CNTNAP2: variants seen among roughly 807,000 people sequenced by gnomAD.
CNTNAP2 encodes contactin-associated protein-like 2.
Under a neutral mutation model 155.2 loss-of-function variants are expected in CNTNAP2, and 98 were observed. That is an observed-to-expected ratio of 0.63 (90% confidence interval 0.54 to 0.75). The LOEUF (loss-of-function observed/expected upper bound fraction) is 0.75. Among genes scored for constraint, CNTNAP2 ranks in the 30% least tolerant of loss-of-function variants. The pLI is 0.00. For missense variants in CNTNAP2, 1,727 were observed against 1,688.1 expected (o/e 1.02, Z -0.40); for synonymous variants, 651 against 631.2 (o/e 1.03, Z -0.47).
intron 8 of CNTNAP2, among the ~76,000 whole-genome samples, chr7:147,199,072 C>T (rs369159459): frequency 1.6e-4 from 25 of 151,552 alleles, no homozygotes; most frequent in African/African-American, 5.8e-4. Context: ...AGCAATTCTC[C>T]TGTCTCAGCC....
intron 1 of CNTNAP2, among the ~76,000 whole-genome samples, chr7:146,643,661 T>C (rs1436429629): frequency 6.6e-6 from 1 of 152,186 alleles, no homozygotes; most frequent in African/African-American, 2.4e-5. Context: ...TTTGGTTCCA[T>C]ATGAACTTTA....
At chr7:146,741,645 T>C (rs1032811377) in intron 1 of CNTNAP2, among the ~76,000 whole-genome samples, 3 of 152,206 alleles carry the variant, frequency 2.0e-5, no homozygotes, top group East Asian at 3.9e-4. Context: ...TGGGAAAATA[T>C]TATGAGCAAC....
chr7:148,331,711 G>GTGGATGGATGGAGTGGATGGATGGAA (rs1563045917), intron 21 of CNTNAP2, among the ~76,000 whole-genome samples: 3 of 9,612 alleles, frequency 3.1e-4, no homozygotes, highest in Non-Finnish European at 5.1e-4. Flanking sequence ...GATGGATGGA[G>GTGGATGGATGGAGTGGATGGATGGAA]TGGACGGATG....
At chr7:146,754,848 T>C (rs952589689) in intron 1 of CNTNAP2, among the ~76,000 whole-genome samples, 2 of 152,086 alleles carry the variant, frequency 1.3e-5, no homozygotes, top group South Asian at 2.1e-4. Context: ...TTCTCAAAAC[T>C]ATTTTCCTGT....
chr7:146,353,908 A>G (rs145482742), intron 1 of CNTNAP2, among the ~76,000 whole-genome samples: 2 of 152,328 alleles, frequency 1.3e-5, no homozygotes, highest in East Asian at 3.9e-4. Flanking sequence ...TAAGTTTATA[A>G]TGCATTAATT....
intron 1 of CNTNAP2, among the ~76,000 whole-genome samples, chr7:146,283,436 C>T (rs1412426064): frequency 1.3e-5 from 2 of 152,132 alleles, no homozygotes; most frequent in Non-Finnish European, 2.9e-5. Context: ...TGTGGGATCA[C>T]AGGTGAGTGT....
chr7:147,032,916 A>G (rs536461122), intron 3 of CNTNAP2, among the ~76,000 whole-genome samples: 24 of 152,108 alleles, frequency 1.6e-4, no homozygotes, highest in African/African-American at 5.8e-4. Flanking sequence ...AACCTATTGA[A>G]TACCATCATC....
At chr7:146,714,507 A>AT (rs200005265) in intron 1 of CNTNAP2, among the ~76,000 whole-genome samples, 2 of 152,252 alleles carry the variant, frequency 1.3e-5, no homozygotes, top group East Asian at 3.9e-4. Flanking sequence ...GTGAGATGAT[A>AT]TTTTTTTGTA....
intron 16 of CNTNAP2, among the ~76,000 whole-genome samples, chr7:148,141,715 T>C (rs371494622): frequency 1.3e-5 from 2 of 152,174 alleles, no homozygotes; most frequent in South Asian, 4.1e-4. Flanking sequence ...TTTTTAAAAA[T>C]CAGGATTAAA....
At chr7:146,449,321 G>T (rs6961013) in intron 1 of CNTNAP2, among the ~76,000 whole-genome samples, 4,694 of 151,910 alleles carry the variant, frequency 0.031, 187 homozygotes, top group African/African-American at 0.088. Flanking sequence ...CATAGTGTTG[G>T]TATTTTTCTA....
chr7:148,359,622 C>T (rs536461466), intron 21 of CNTNAP2, among the ~76,000 whole-genome samples: 12 of 152,314 alleles, frequency 7.9e-5, no homozygotes, highest in Middle Eastern at 3.4e-3. Context: ...AAAATGTCTT[C>T]TTTTGGAAAG....
chr7:147,271,087 G>A (rs1204320892), intron 8 of CNTNAP2, among the ~76,000 whole-genome samples: 1 of 152,146 alleles, frequency 6.6e-6, no homozygotes, highest in Non-Finnish European at 1.5e-5. Flanking sequence ...GTTATTGAAC[G>A]TAGAATTTAA....
At chr7:148,356,945 T>G (rs1798528248) in intron 21 of CNTNAP2, among the ~76,000 whole-genome samples, 1 of 152,120 alleles carries the variant, frequency 6.6e-6, no homozygotes, top group Non-Finnish European at 1.5e-5. Context: ...GATGCTCCAG[T>G]GCTTAACAAA....
intron 13 of CNTNAP2, among the ~76,000 whole-genome samples, chr7:147,710,957 A>G (rs934876903): frequency 6.6e-6 from 1 of 152,162 alleles, no homozygotes; most frequent in South Asian, 2.1e-4. Context: ...AGGGCATTTG[A>G]TATTAGCCTC....
chr7:146,739,447 T>G (rs923042825), intron 1 of CNTNAP2, among the ~76,000 whole-genome samples: 3 of 152,008 alleles, frequency 2.0e-5, no homozygotes, highest in Non-Finnish European at 2.9e-5. Flanking sequence ...TTCCATGCAT[T>G]TGTAAATTTT....
intron 9 of CNTNAP2, among the ~76,000 whole-genome samples, chr7:147,357,543 T>G (rs1584896651): frequency 6.6e-6 from 1 of 152,084 alleles, no homozygotes; most frequent in Non-Finnish European, 1.5e-5. Flanking sequence ...TTTTGCCCTT[T>G]CTTCTTCCAG....
chr7:146,176,985 G>A (rs1798479705), intron 1 of CNTNAP2, among the ~76,000 whole-genome samples: 1 of 152,154 alleles, frequency 6.6e-6, no homozygotes, highest in South Asian at 2.1e-4. Flanking sequence ...GCTTTGAATA[G>A]AGACAGGTTT....
chr7:147,503,123 G>T (rs1399568227), intron 11 of CNTNAP2, among the ~76,000 whole-genome samples: 1 of 152,066 alleles, frequency 6.6e-6, no homozygotes, highest in Non-Finnish European at 1.5e-5. Context: ...CAAGGTGCTG[G>T]CAAGCCCACG....
Position 146,616,358 on chromosome 7 carries a change from A to G in CNTNAP2, c.98-157913A>G, listed in dbSNP as rs1013580948. The stretch of plus-strand genomic sequence containing the variant: ...ATAGCTCTTTGAAAGAGAGAGATGA[A>G]TGAATAAATAAAAAATATTTATTTG... On this transcript the variant is annotated intron_variant, in intron 1 of 23. Coordinates refer to ENST00000361727, the MANE Select transcript of CNTNAP2 (RefSeq NM_014141.6). Among the ~76,000 whole-genome samples the G allele has an allele frequency of 2.6e-5, 4 of 152,178 alleles. No individual in the cohort carries two copies. In the East Asian group the frequency reaches 7.7e-4, roughly 29 times the overall value.
Sources: allele counts gnomAD v4.1 joint callset (sites outside exome capture counted in the v4.1 genomes callset), GRCh38; gene constraint gnomAD v4.1.1; transcripts MANE v1.5; gene names NCBI Gene and HGNC (gene_info 2026-07-23, HGNC 2026-07-21).